ARHGEF37: variants seen among roughly 807,000 people sequenced by gnomAD.
The protein encoded by ARHGEF37 is Rho guanine nucleotide exchange factor (GEF) 37.
Under a neutral mutation model 71.1 loss-of-function variants are expected in ARHGEF37, and 55 were observed. The ratio of observed to expected loss-of-function variants is 0.77; its 90% CI spans 0.62 to 0.97. The LOEUF is 0.97. Ranked by LOEUF, ARHGEF37 falls within the 50% of genes least tolerant of loss-of-function variation. The probability of loss-of-function intolerance (pLI) is 0.00; values close to 1 mark genes in which losing one functional copy is unlikely to be tolerated. For synonymous variants in ARHGEF37, 327 were observed against 350.6 expected, an observed-to-expected ratio of 0.93 and a Z score of 0.75; for missense variants, 765 against 836.8, an observed-to-expected ratio of 0.91 and a Z score of 1.06.
intron 3 of ARHGEF37, among the ~76,000 whole-genome samples, chr5:149,606,201 C>T (rs1334657859): frequency 6.6e-6 from 1 of 152,202 alleles, no homozygotes; most frequent in Non-Finnish European, 1.5e-5. Flanking sequence ...GTTTCACGGC[C>T]ACACCCAAGC....
In ARHGEF37 at chr5:149,627,251, G is replaced by C; in HGVS notation, c.1640G>C (p.Arg547Pro). 3 of 1,613,726 alleles carry C rather than the reference G, an allele frequency of 1.9e-6. No individual in the cohort carries two copies. Among genetic ancestry groups the C allele is most frequent in the Non-Finnish European group, 2.5e-6 (3 of 1,179,960 alleles). The change falls in exon 11 of 13, where the codon CGC (arginine) becomes CCC (proline). Residue 547 changes from arginine to proline, a missense_variant. Arg to Pro is a moderately radical substitution (Grantham distance 103, BLOSUM62 -2). Around this residue, in one of 5 missense-constraint regions of ARHGEF37, gnomAD observed 390 missense variants for 407.4 expected, o/e 0.96. Coordinates refer to ENST00000333677, the MANE Select transcript of ARHGEF37 (RefSeq NM_001001669.3). ...QNKDTKGNSG[R>P]WLVDTGGHRG... is the part of the protein sequence containing the mutation. Reference sequence around the variant, plus strand: ...AAGGACACCAAAGGCAACAGCGGCCGCTGGCTGGTGGACACCGGGGGTACG... The same window carrying C: ...AAGGACACCAAAGGCAACAGCGGCCCCTGGCTGGTGGACACCGGGGGTACG...
intron 1 of ARHGEF37, among the ~76,000 whole-genome samples, chr5:149,560,040 A>G (rs578144727): frequency 2.5e-4 from 38 of 152,244 alleles, no homozygotes; most frequent in Non-Finnish European, 4.7e-4. Context: ...CCTGGAAAAC[A>G]GAATAGATGT....
At chr5:149,558,900 T>G (rs1208432077) in intron 1 of ARHGEF37, among the ~76,000 whole-genome samples, 1 of 152,148 alleles carries the variant, frequency 6.6e-6, no homozygotes, top group African/African-American at 2.4e-5. Flanking sequence ...CATTTTTCTA[T>G]GCATATGTAT....
chr5:149,596,010 C>G (rs1296191529), intron 1 of ARHGEF37, among the ~76,000 whole-genome samples: 1 of 148,166 alleles, frequency 6.7e-6, no homozygotes, highest in East Asian at 2.0e-4. Context: ...GGTCCCAGTT[C>G]TGTGAAGGAG....
intron 2 of ARHGEF37, 150 bp from the exon 3 acceptor site, chr5:149,600,958 G>T (rs1022300089): frequency 1.1e-6 from 1 of 932,560 alleles, no homozygotes; most frequent in Non-Finnish European, 1.6e-6. Context: ...AATTTATAAC[G>T]TTTCAAAATC....
chr5:149,610,699 A>G (rs1419653056), intron 4 of ARHGEF37, among the ~76,000 whole-genome samples: 2 of 152,176 alleles, frequency 1.3e-5, no homozygotes, highest in Non-Finnish European at 2.9e-5. Flanking sequence ...GTCACAAAAT[A>G]TATTTCTACA....
intron 3 of ARHGEF37, among the ~76,000 whole-genome samples, chr5:149,608,853 T>C (rs1391417352): frequency 6.6e-6 from 1 of 152,040 alleles, no homozygotes; most frequent in Non-Finnish European, 1.5e-5. Flanking sequence ...AATTGGGGAT[T>C]TGTTGTGCTT....
intron 1 of ARHGEF37, among the ~76,000 whole-genome samples, chr5:149,592,063 C>G (rs1299303260): frequency 6.6e-6 from 1 of 152,060 alleles, no homozygotes; most frequent in Non-Finnish European, 1.5e-5. Flanking sequence ...AAAGGGAGGC[C>G]CTCTGTACTG....
chr5:149,616,736 A>G lies in ARHGEF37; in HGVS notation c.628A>G (p.Ile210Val), dbSNP rs751325250. ...TGCCCTCCAGGACGTGAACACCAAT[A>G]TCAATGAGTACAAGATGCGCAAGGA... ...VSALQDVNTNINEYKMRKEVA... is the reference protein window; with the variant it reads ...VSALQDVNTNVNEYKMRKEVA... Residue 210 changes from isoleucine to valine, a missense_variant, in exon 5 of 13, where the codon ATC becomes GTC. By Grantham distance (29) the Ile-to-Val change is conservative (BLOSUM62 3). Transcript: ENST00000333677. The G allele has an allele frequency of 6.2e-7, 1 of 1,612,848 alleles. No individual in the cohort carries two copies. The highest frequency in any genetic ancestry group is 1.3e-5 in the African/African-American group (1 of 75,030).
chr5:149,623,169 G>T (rs910323991), intron 9 of ARHGEF37, among the ~76,000 whole-genome samples: 4 of 152,134 alleles, frequency 2.6e-5, no homozygotes, highest in African/African-American at 9.7e-5. Flanking sequence ...AGATGAATGA[G>T]TCTCTCCATG....
chr5:149,573,237 C>T (rs1762989113), intron 1 of ARHGEF37, among the ~76,000 whole-genome samples: 1 of 152,168 alleles, frequency 6.6e-6, no homozygotes, highest in Non-Finnish European at 1.5e-5. Flanking sequence ...TCTCATTAGG[C>T]CCCACCTCCC....
rs1441395977 is a variant in ARHGEF37, at chr5:149,618,208, CT to C, written c.692del (p.Leu231ProfsTer20). 1 of 1,614,244 alleles carries C rather than the reference CT, an allele frequency of 6.2e-7. No individual in the cohort carries two copies. Among genetic ancestry groups the C allele is most frequent in the South Asian group, 1.1e-5 (1 of 91,090 alleles). ...SKYTKVEQLT[L>X]RERLARINTH... ...GTACACCAAGGTAGAGCAGCTGACCCTCCGGGAGCGGCTGGCCCGCATCAAC... is the reference window on the plus strand; with the variant it reads ...GTACACCAAGGTAGAGCAGCTGACCCCCGGGAGCGGCTGGCCCGCATCAAC... On this transcript the variant is annotated frameshift_variant, in exon 6 of 13. Transcript: ENST00000333677. LOFTEE classifies it high-confidence loss of function.
Position 149,628,880 on chromosome 5 carries a change from AG to A in ARHGEF37, c.1734del (p.Arg578SerfsTer5), listed in dbSNP as rs1396178124. ...GGTCCCCAGTGCAGAGGAGCTCAGAAGGCAGGCGGGGCTGAACAAAGACCCC... is the reference window on the plus strand; with the variant it reads ...GGTCCCCAGTGCAGAGGAGCTCAGAAGCAGGCGGGGCTGAACAAAGACCCC... ...HVVPSAEELR[R>X]QAGLNKDPRC... On this transcript the variant is annotated frameshift_variant, in exon 12 of 13. Coordinates refer to ENST00000333677, the MANE Select transcript of ARHGEF37 (RefSeq NM_001001669.3). LOFTEE classifies it high-confidence loss of function. 28 of 1,613,662 alleles carry A rather than the reference AG, an allele frequency of 1.7e-5. No individual in the cohort carries two copies. Among genetic ancestry groups the A allele is most frequent in the Non-Finnish European group, 2.1e-5 (25 of 1,180,022 alleles).
At chr5:149,576,976 T>A (rs1763035168), upstream of ARHGEF37, among the ~76,000 whole-genome samples, 1 of 152,002 alleles carries the variant, frequency 6.6e-6, no homozygotes, top group African/African-American at 2.4e-5. Flanking sequence ...AATTGATATC[T>A]CAGGAGACAG....
chr5:149,629,514 G>T (rs1265871218), intron 12 of ARHGEF37, among the ~76,000 whole-genome samples: 1 of 152,200 alleles, frequency 6.6e-6, no homozygotes, highest in Non-Finnish European at 1.5e-5. Flanking sequence ...TAAAGAGGGT[G>T]TACTGGGGTG....
intron 11 of ARHGEF37, among the ~76,000 whole-genome samples, chr5:149,628,164 C>T (rs1752755239): frequency 6.6e-6 from 1 of 152,126 alleles, no homozygotes; most frequent in Non-Finnish European, 1.5e-5. Context: ...ATTTGGATTC[C>T]AGCTCCACCA....
At chr5:149,571,007 A>G (rs1384616358) in intron 1 of ARHGEF37, among the ~76,000 whole-genome samples, 1 of 152,016 alleles carries the variant, frequency 6.6e-6, no homozygotes, top group African/African-American at 2.4e-5. Flanking sequence ...CAGTAGCACA[A>G]TCTTGCCTCA....
At chr5:149,609,768 C>G in intron 4 of ARHGEF37, 73 bp downstream of exon 4, 2 of 1,584,392 alleles carry the variant, frequency 1.3e-6, no homozygotes, top group Non-Finnish European at 1.7e-6. Context: ...GGTCTCACCC[C>G]TTTTTCATGC....
At chr5:149,555,682 A>T (rs1205712450) in intron 1 of ARHGEF37, among the ~76,000 whole-genome samples, 1 of 152,254 alleles carries the variant, frequency 6.6e-6, no homozygotes, top group East Asian at 1.9e-4. Flanking sequence ...GCCCAAAATC[A>T]TAGAGATCTT....
Sources: gnomAD v4.1 joint callset for allele counts (sites outside exome capture counted in the v4.1 genomes callset) on GRCh38, gnomAD v4.1.1 for gene constraint, gnomAD v4.1.1 regional missense constraint, MANE v1.5 for transcripts, NCBI Gene and HGNC (gene_info 2026-07-23, HGNC 2026-07-21) for gene names.